The following RAB38 variants were observed in gnomAD, a reference collection of about 807,000 sequenced individuals.
RAB38 encodes the protein RAB38, member RAS oncogene family.
RAB38 carries 15 observed loss-of-function variants against 18.4 expected under a neutral mutation model. That is an observed-to-expected ratio of 0.82 (90% CI 0.55 to 1.26). The LOEUF (loss-of-function observed/expected upper bound fraction) is 1.26, where lower values mean the gene tolerates loss of function less well. Among genes scored for constraint, RAB38 ranks in the 50% most tolerant of loss-of-function variants. The probability of loss-of-function intolerance (pLI) is 0.00; values close to 1 mark genes in which losing one functional copy is unlikely to be tolerated. For missense variants in RAB38, 294 were observed against 267.4 expected (o/e 1.10, Z -0.69); for synonymous variants, 101 against 104.4 (o/e 0.97, Z 0.20).
the RAB38 span, among the ~76,000 whole-genome samples, chr11:87,943,532 A>G: frequency 0.43 from 65,358 of 151,930 alleles, 16,038 homozygotes; most frequent in African/African-American, 0.67. Context: ...ATTGATAGAA[A>G]ATAAGGTCTC....
At chr11:87,842,818 ACAC>A in the RAB38 span, among the ~76,000 whole-genome samples, 2 of 4,204 alleles carry the variant, frequency 4.8e-4, no homozygotes, top group Non-Finnish European at 1.9e-3. Flanking sequence ...ACGCGCGCGC[ACAC>A]ACACACACAC....
chr11:87,941,221 A>ATATATATATATATATATG, the RAB38 span, among the ~76,000 whole-genome samples: 40 of 109,190 alleles, frequency 3.7e-4, 2 homozygotes, highest in African/African-American at 1.2e-3. Context: ...TGAGATATAT[A>ATATATATATATATATATG]TATATATATA....
At chr11:87,952,529 C>A in the RAB38 span, among the ~76,000 whole-genome samples, 37 of 152,108 alleles carry the variant, frequency 2.4e-4, no homozygotes, top group African/African-American at 8.9e-4. Context: ...ATTCCTTCAC[C>A]CTGCATTGGG....
At chr11:88,027,274 TA>T in the RAB38 span, among the ~76,000 whole-genome samples, 1 of 152,170 alleles carries the variant, frequency 6.6e-6, no homozygotes, top group Non-Finnish European at 1.5e-5. Flanking sequence ...AGCTCCAGTC[TA>T]CAGCTCCCAG....
chr11:88,059,386 G>A, the RAB38 span, among the ~76,000 whole-genome samples: 1 of 152,158 alleles, frequency 6.6e-6, no homozygotes, highest in African/African-American at 2.4e-5. Context: ...GCTAATGTGA[G>A]GGATGGGATC....
chr11:88,108,163 C>T, the RAB38 span, among the ~76,000 whole-genome samples: 645 of 152,160 alleles, frequency 4.2e-3, no homozygotes, highest in Non-Finnish European at 7.6e-3. Flanking sequence ...GAGTTCAAGT[C>T]CTGAATATCC....
the RAB38 span, among the ~76,000 whole-genome samples, chr11:88,086,652 C>T: frequency 6.6e-6 from 1 of 151,910 alleles, no homozygotes; most frequent in South Asian, 2.1e-4. Flanking sequence ...TTTGAACTCC[C>T]TCAACACACC....
At chr11:88,032,240 G>T in the RAB38 span, among the ~76,000 whole-genome samples, 40 of 152,242 alleles carry the variant, frequency 2.6e-4, no homozygotes, top group South Asian at 4.1e-4. Flanking sequence ...CAAGATGGAT[G>T]AAAGACTTAA....
At chr11:87,806,204 C>T in the RAB38 span, among the ~76,000 whole-genome samples, 1,081 of 152,224 alleles carry the variant, frequency 7.1e-3, 6 homozygotes, top group Middle Eastern at 0.058. Flanking sequence ...TGATATGCAG[C>T]TTAGTCCATT....
chr11:87,915,433 A>G, the RAB38 span, among the ~76,000 whole-genome samples: 2 of 152,176 alleles, frequency 1.3e-5, no homozygotes, highest in Non-Finnish European at 2.9e-5. Flanking sequence ...CTCACTGCTC[A>G]TTACATGTAT....
chr11:87,873,899 T>C, the RAB38 span, among the ~76,000 whole-genome samples: 1 of 93,824 alleles, frequency 1.1e-5, no homozygotes, highest in Non-Finnish European at 2.1e-5. Flanking sequence ...TGTGTATATA[T>C]ATATATATAT....
chr11:88,032,545 C>A, the RAB38 span, among the ~76,000 whole-genome samples: 2 of 152,150 alleles, frequency 1.3e-5, no homozygotes, highest in Admixed American at 6.5e-5. Flanking sequence ...AAACAAACAA[C>A]CCCATCAAAA....
chr11:88,164,307 A>C (rs187963013), intron 1 of RAB38, among the ~76,000 whole-genome samples: 15 of 149,730 alleles, frequency 1.0e-4, no homozygotes, highest in Admixed American at 6.8e-5. Context: ...AGGATATTTT[A>C]AATTTTCAAG....
At chr11:88,078,038 A>G in the RAB38 span, among the ~76,000 whole-genome samples, 2 of 152,138 alleles carry the variant, frequency 1.3e-5, no homozygotes, top group African/African-American at 4.8e-5. Flanking sequence ...ACTCAAAAGA[A>G]GACCTGCAAA....
chr11:87,914,629 G>A, the RAB38 span, among the ~76,000 whole-genome samples: 1 of 152,172 alleles, frequency 6.6e-6, no homozygotes, highest in Non-Finnish European at 1.5e-5. Flanking sequence ...AGGAATCCAA[G>A]GGTGCAGTCA....
At chr11:87,923,964 A>G in the RAB38 span, among the ~76,000 whole-genome samples, 3 of 148,354 alleles carry the variant, frequency 2.0e-5, no homozygotes, top group African/African-American at 7.6e-5. Flanking sequence ...GAAAATTGAA[A>G]AAAAAAAAAA....
intron 1 of RAB38, among the ~76,000 whole-genome samples, chr11:88,159,581 C>A (rs2134842403): frequency 6.6e-6 from 1 of 152,032 alleles, no homozygotes; most frequent in South Asian, 2.1e-4. Context: ...CAACTTCAAA[C>A]TATAAGGCTA....
chr11:88,118,273 C>T (rs370879986), intron 2 of RAB38, among the ~76,000 whole-genome samples: 1 of 152,178 alleles, frequency 6.6e-6, no homozygotes, highest in South Asian at 2.1e-4. Context: ...CGAACCATAT[C>T]TGGTCTTTCT....
the RAB38 span, among the ~76,000 whole-genome samples, chr11:87,850,490 A>G: frequency 0.25 from 38,191 of 151,874 alleles, 6,305 homozygotes; most frequent in African/African-American, 0.47. Flanking sequence ...GTGCACGCGC[A>G]TGCACTCTTA....
Sources: gnomAD v4.1 joint callset for allele counts (sites outside exome capture counted in the v4.1 genomes callset) on GRCh38, gnomAD v4.1.1 for gene constraint, MANE v1.5 for transcripts, NCBI Gene and HGNC (gene_info 2026-07-23, HGNC 2026-07-21) for gene names.